The following VWA8 variants were observed in gnomAD, a reference collection of about 807,000 sequenced individuals.
VWA8 encodes the protein von Willebrand factor A domain containing 8.
VWA8 carries 221 observed loss-of-function variants against 241.5 expected under a neutral mutation model. The ratio of observed to expected loss-of-function variants is 0.91; its 90% CI spans 0.82 to 1.02. The LOEUF (loss-of-function observed/expected upper bound fraction) is 1.02. Ranked by LOEUF, VWA8 falls within the 50% of genes least tolerant of loss-of-function variation. The pLI is 0.00. For synonymous variants in VWA8, 852 were observed against 827.1 expected (o/e 1.03, Z -0.52); for missense variants, 2,322 against 2,328.7 (o/e 1.00, Z 0.06).
chr13:41,863,297 G>C (rs1288300914), intron 12 of VWA8, among the ~76,000 whole-genome samples: 1 of 150,406 alleles, frequency 6.6e-6, no homozygotes, highest in African/African-American at 2.5e-5. Flanking sequence ...TGCTCCTCAA[G>C]CTTGCAGACA....
intron 27 of VWA8, among the ~76,000 whole-genome samples, 194 bp from the exon 28 acceptor site, chr13:41,701,724 A>C (rs1566420701): frequency 6.6e-6 from 1 of 152,224 alleles, no homozygotes; most frequent in Non-Finnish European, 1.5e-5. Context: ...ATGCTTTCAC[A>C]TGTGCTATCT....
At chr13:41,832,909 T>C (rs1015670932) in intron 13 of VWA8, among the ~76,000 whole-genome samples, 1 of 151,834 alleles carries the variant, frequency 6.6e-6, no homozygotes. Flanking sequence ...TTTAAAGCTA[T>C]TATATATTTT....
At chr13:41,579,929 C>G (rs149063370) in intron 42 of VWA8, among the ~76,000 whole-genome samples, 2 of 152,278 alleles carry the variant, frequency 1.3e-5, no homozygotes, top group East Asian at 3.9e-4. Flanking sequence ...TCACTGCAGC[C>G]TCAACCTCCT....
intron 26 of VWA8, among the ~76,000 whole-genome samples, chr13:41,707,002 T>C (rs971438015): frequency 1.3e-5 from 2 of 152,226 alleles, no homozygotes; most frequent in African/African-American, 2.4e-5. Flanking sequence ...GTTCCTATGT[T>C]TGTCATTTCT....
intron 26 of VWA8, among the ~76,000 whole-genome samples, chr13:41,713,552 G>C (rs1179770884): frequency 6.6e-6 from 1 of 152,130 alleles, no homozygotes; most frequent in Non-Finnish European, 1.5e-5. Context: ...GAAATCTGAG[G>C]AGTAACTACA....
At chr13:41,741,023 A>C (rs930047606) in intron 21 of VWA8, among the ~76,000 whole-genome samples, 2 of 152,130 alleles carry the variant, frequency 1.3e-5, no homozygotes, top group Non-Finnish European at 2.9e-5. Flanking sequence ...TTAAAACTGT[A>C]ATCTCTGCTC....
At chr13:41,949,323 C>G (rs1263624313) in intron 2 of VWA8, among the ~76,000 whole-genome samples, 1 of 152,056 alleles carries the variant, frequency 6.6e-6, no homozygotes, top group Non-Finnish European at 1.5e-5. Flanking sequence ...ATGTCCTTTG[C>G]AGGGACATGG....
In VWA8 at chr13:41,675,118, A is replaced by C. The variant is rs188604036; in HGVS notation, c.4409+97T>G. On this transcript the variant is annotated intron_variant, in intron 36 of 44. Coordinates refer to ENST00000379310, the MANE Select transcript of VWA8 (RefSeq NM_015058.2). ...GGAAAAAAAAAGAGCTTGCTATTTA[A>C]AGAAGCAAAAAAGTACTCATTTATT... is the stretch of plus-strand genomic sequence containing the variant. The C allele has an allele frequency of 8.5e-4, 653 of 770,830 alleles. 4 individuals are homozygous for C. In the African/African-American group the frequency reaches 0.01, roughly 12 times the overall value. The allele number at this position is 770,830 out of a possible 1,614,324, so 47.7% of individuals were successfully genotyped here.
intron 14 of VWA8, among the ~76,000 whole-genome samples, chr13:41,825,288 C>T (rs1053197211): frequency 5.3e-5 from 8 of 152,154 alleles, no homozygotes; most frequent in African/African-American, 1.9e-4. Context: ...TCAGTTATCT[C>T]CAATCATCAG....
At chr13:41,685,312 G>A in intron 34 of VWA8, 70 bp from the exon 35 acceptor site, 2 of 1,400,506 alleles carry the variant, frequency 1.4e-6, no homozygotes, top group South Asian at 1.4e-5. Flanking sequence ...TAACAACGCA[G>A]CCCTTTAAGC....
chr13:41,575,715 TAC>T (rs1436112828), intron 43 of VWA8, 23 bp downstream of exon 43: 1 of 1,544,316 alleles, frequency 6.5e-7, no homozygotes, highest in Non-Finnish European at 8.9e-7. Context: ...GCTTTCATAA[TAC>T]AGAGGTAATA....
intron 2 of VWA8, among the ~76,000 whole-genome samples, chr13:41,918,524 G>GT (rs1306757646): frequency 1.3e-5 from 2 of 152,132 alleles, no homozygotes; most frequent in Non-Finnish European, 2.9e-5. Flanking sequence ...AACTAATACT[G>GT]TGAGAATTAA....
chr13:41,864,114 A>C (rs1593826799), intron 12 of VWA8, among the ~76,000 whole-genome samples: 1 of 151,262 alleles, frequency 6.6e-6, no homozygotes, highest in East Asian at 1.9e-4. Flanking sequence ...GTGAATTACC[A>C]CTTCGCAGCC....
chr13:41,725,230 T>C (rs1488995047), intron 24 of VWA8, among the ~76,000 whole-genome samples: 1 of 151,460 alleles, frequency 6.6e-6, no homozygotes, highest in African/African-American at 2.4e-5. Context: ...GAGAAGAAAA[T>C]ATATCAAGGT....
chr13:41,647,766 G>C (rs1479468419), intron 37 of VWA8, among the ~76,000 whole-genome samples: 2 of 152,160 alleles, frequency 1.3e-5, no homozygotes, highest in African/African-American at 4.8e-5. Context: ...GAGGTGGGTG[G>C]ATCACTTGAG....
chr13:41,703,454 C>T, intron 26 of VWA8, 43 bp from the exon 27 acceptor site: 1 of 1,564,946 alleles, frequency 6.4e-7, no homozygotes. Context: ...TTATTGTACC[C>T]AAGTCATAGA....
At chr13:41,623,614 G>C (rs2044671148) in intron 37 of VWA8, among the ~76,000 whole-genome samples, 1 of 152,146 alleles carries the variant, frequency 6.6e-6, no homozygotes, top group Non-Finnish European at 1.5e-5. Context: ...AATTATTACA[G>C]TTGCCCACTA....
intron 4 of VWA8, among the ~76,000 whole-genome samples, chr13:41,897,251 G>T (rs985544022): frequency 1.3e-5 from 2 of 151,910 alleles, no homozygotes; most frequent in Admixed American, 1.3e-4. Context: ...AATGGGTAAA[G>T]GATCTGAACA....
rs530776562 is a variant in VWA8 at position 41,584,582 on chromosome 13, A to G, written c.5271+2930T>C. Among the ~76,000 whole-genome samples the G allele has an allele frequency of 2.0e-5, 3 of 152,336 alleles. No homozygotes were observed. In the East Asian group the frequency reaches 5.8e-4, roughly 29 times the overall value. Reference sequence around the variant, plus strand: ...ATACACTGGGGTCTTAAGACTTTCTATGGTCTTAAATAAAGCTCTAATGTA... The same window carrying G: ...ATACACTGGGGTCTTAAGACTTTCTGTGGTCTTAAATAAAGCTCTAATGTA... On this transcript the variant is annotated intron_variant, in intron 42 of 44. Coordinates refer to ENST00000379310, the MANE Select transcript of VWA8 (RefSeq NM_015058.2).
Sources: allele counts gnomAD v4.1 joint callset (sites outside exome capture counted in the v4.1 genomes callset), GRCh38; gene constraint gnomAD v4.1.1; transcripts MANE v1.5; gene names NCBI Gene and HGNC (gene_info 2026-07-23, HGNC 2026-07-21).